Variants in LRBA observed in about 807,000 individuals in gnomAD.
LRBA encodes lipopolysaccharide-responsive and beige-like anchor protein.
In LRBA, 176 loss-of-function variants were observed where a neutral mutation model predicts 330.0. The observed-to-expected ratio is 0.53, with a 90% CI of 0.47 to 0.60. The LOEUF is 0.60. Ranked by LOEUF, LRBA falls within the 20% of genes least tolerant of loss-of-function variation. The pLI, the probability that LRBA is intolerant of heterozygous loss-of-function variation, is 0.00. For synonymous variants in LRBA, 1,230 were observed against 1,193.0 expected (o/e 1.03, Z -0.64); for missense variants, 3,259 against 3,444.8 (o/e 0.95, Z 1.35).
At chr4:150,652,018 AT>A (rs1307704848) in intron 37 of LRBA, among the ~76,000 whole-genome samples, 3 of 152,024 alleles carry the variant, frequency 2.0e-5, no homozygotes, top group East Asian at 3.9e-4. Context: ...TAATTTTTGT[AT>A]TTTTTGTAGA....
intron 2 of LRBA, among the ~76,000 whole-genome samples, chr4:150,940,636 T>C (rs1328977549): frequency 6.6e-6 from 1 of 152,192 alleles, no homozygotes; most frequent in Non-Finnish European, 1.5e-5. Flanking sequence ...ACTTATTTTG[T>C]ATTTGCTATC....
rs974616877 is a variant in LRBA at position 150,591,135 on chromosome 4, T to G, written c.6047-276A>C. Reference sequence around the variant, plus strand: ...ACCATTTATTTACTTATAGTTAGGGTAGGAGTGGTTCAAAAGCAGTACTTT... The same window carrying G: ...ACCATTTATTTACTTATAGTTAGGGGAGGAGTGGTTCAAAAGCAGTACTTT... On this transcript the variant is annotated intron_variant, in intron 38 of 56. Coordinates refer to ENST00000651943, the MANE Select transcript of LRBA (RefSeq NM_001364905.1). 2.0e-5 allele frequency among the ~76,000 whole-genome samples: 3 copies of G among 152,088 alleles called. No individual in the cohort carries two copies. The South Asian group carries it at 6.2e-4, about 32-fold the overall frequency.
At chr4:150,726,515 G>T (rs996898406) in intron 36 of LRBA, among the ~76,000 whole-genome samples, 2 of 152,144 alleles carry the variant, frequency 1.3e-5, no homozygotes, top group African/African-American at 2.4e-5. Flanking sequence ...CCAAGACTGG[G>T]TAATTTATAA....
rs184970700 is a variant in LRBA at position 150,895,324 on chromosome 4, G to A, written c.2067+1070C>T. Among the ~76,000 whole-genome samples, 336 of 151,802 alleles carry A rather than the reference G, an allele frequency of 2.2e-3. 7 individuals are homozygous for A. Among genetic ancestry groups the A allele is most frequent in the Non-Finnish European group, 6.3e-4 (43 of 67,934 alleles). On this transcript the variant is annotated intron_variant, in intron 16 of 56. Transcript: ENST00000651943. ...ACACTTCAAGTTTTAGGGTACATGT[G>A]CACAATGTGCAGGTTTGTTACATAT...
intron 47 of LRBA, among the ~76,000 whole-genome samples, chr4:150,369,364 C>T (rs914355993): frequency 1.3e-5 from 2 of 152,082 alleles, no homozygotes; most frequent in Non-Finnish European, 2.9e-5. Context: ...ACCAGTGGTG[C>T]TAACCTGATA....
chr4:150,772,087 C>T (rs1736657752), intron 34 of LRBA, among the ~76,000 whole-genome samples: 1 of 152,124 alleles, frequency 6.6e-6, no homozygotes, highest in Non-Finnish European at 1.5e-5. Flanking sequence ...AAACCAATAG[C>T]CACAGCCCAT....
At chr4:150,623,091 T>C (rs1175445545) in intron 37 of LRBA, among the ~76,000 whole-genome samples, 1 of 152,126 alleles carries the variant, frequency 6.6e-6, no homozygotes, top group Non-Finnish European at 1.5e-5. Flanking sequence ...ATATGTACTC[T>C]TGGATTAGAA....
chr4:150,645,191 G>A (rs1355310361), intron 37 of LRBA, among the ~76,000 whole-genome samples: 10 of 144,090 alleles, frequency 6.9e-5, no homozygotes, highest in Non-Finnish European at 1.2e-4. Flanking sequence ...TTCCGCTAAG[G>A]GCATAGACTG....
intron 46 of LRBA, among the ~76,000 whole-genome samples, chr4:150,430,993 G>GAA (rs34130702): frequency 1.3e-5 from 2 of 151,908 alleles, no homozygotes; most frequent in South Asian, 2.1e-4. Flanking sequence ...AAGAGAAGGG[G>GAA]AAAAAATCAA....
At chr4:150,348,521 G>T (rs1736710924) in intron 48 of LRBA, among the ~76,000 whole-genome samples, 1 of 152,130 alleles carries the variant, frequency 6.6e-6, no homozygotes, top group Non-Finnish European at 1.5e-5. Context: ...TACTGGCATA[G>T]TAAGTACAAC....
intron 35 of LRBA, among the ~76,000 whole-genome samples, chr4:150,761,385 T>C (rs1254689362): frequency 3.3e-5 from 5 of 152,032 alleles, no homozygotes; most frequent in African/African-American, 1.2e-4. Flanking sequence ...ATTGCGAAAC[T>C]TGTCCCCCCT....
intron 36 of LRBA, among the ~76,000 whole-genome samples, chr4:150,702,769 T>G (rs539327802): frequency 6.6e-6 from 1 of 152,170 alleles, no homozygotes; most frequent in Non-Finnish European, 1.5e-5. Flanking sequence ...TAAACATGCT[T>G]TAACAAACCA....
intron 36 of LRBA, among the ~76,000 whole-genome samples, chr4:150,703,332 G>A (rs1402316877): frequency 6.6e-6 from 1 of 152,080 alleles, no homozygotes; most frequent in Non-Finnish European, 1.5e-5. Context: ...TAATATTAAA[G>A]AATCTAGGAT....
rs143930481 is a variant in LRBA at position 150,832,385 on chromosome 4, C to A, written c.4570-409G>T. 4.1e-3 allele frequency among the ~76,000 whole-genome samples: 624 copies of A among 152,264 alleles called. 5 individuals are homozygous for A. Among genetic ancestry groups the A allele is most frequent in the African/African-American group, 0.014 (587 of 41,540 alleles). On this transcript the variant is annotated intron_variant, in intron 28 of 56. Transcript: ENST00000651943. ...CCAAACCAGGCGGATCACTTGAGGT[C>A]AGGAATTTGAGACCAGCCTGGCCAA... is the stretch of plus-strand genomic sequence containing the variant.
intron 40 of LRBA, among the ~76,000 whole-genome samples, chr4:150,504,394 T>C (rs1760750979): frequency 1.3e-5 from 2 of 152,214 alleles, no homozygotes; most frequent in African/African-American, 2.4e-5. Context: ...AGGCTGATCT[T>C]TCAGCAGAAA....
intron 37 of LRBA, among the ~76,000 whole-genome samples, chr4:150,654,775 T>A (rs1375013734): frequency 6.6e-6 from 1 of 152,102 alleles, no homozygotes; most frequent in Admixed American, 6.5e-5. Context: ...TTCCCACCTA[T>A]GAGTGAGAAC....
At chr4:150,564,220 A>G in intron 40 of LRBA, among the ~76,000 whole-genome samples, 1 of 152,196 alleles carries the variant, frequency 6.6e-6, no homozygotes, top group East Asian at 1.9e-4. Context: ...CAGAGGCCTC[A>G]GAAATAACAC....
At chr4:150,744,017 G>A (rs1732364680) in intron 35 of LRBA, among the ~76,000 whole-genome samples, 1 of 152,114 alleles carries the variant, frequency 6.6e-6, no homozygotes, top group Non-Finnish European at 1.5e-5. Flanking sequence ...TACTTTAGAA[G>A]TTAATGCAAT....
intron 37 of LRBA, among the ~76,000 whole-genome samples, chr4:150,617,665 A>C (rs1431366581): frequency 6.6e-6 from 1 of 152,170 alleles, no homozygotes; most frequent in Non-Finnish European, 1.5e-5. Context: ...TGGCTCTATC[A>C]ATTCAAACAA....
Sources: allele counts gnomAD v4.1 joint callset (sites outside exome capture counted in the v4.1 genomes callset), GRCh38; gene constraint gnomAD v4.1.1; transcripts MANE v1.5; gene names NCBI Gene and HGNC (gene_info 2026-07-23, HGNC 2026-07-21).